The following KCNN2 variants were observed in gnomAD, a reference collection of about 807,000 sequenced individuals.
The protein encoded by KCNN2 is potassium calcium-activated channel subfamily N member 2, also known as small conductance calcium-activated potassium channel protein 2.
In KCNN2, 24 loss-of-function variants were observed where a neutral mutation model predicts 55.5. That is an observed-to-expected ratio of 0.43 (90% confidence interval 0.31 to 0.61). The LOEUF is 0.61. Ranked by LOEUF, KCNN2 falls within the 20% of genes least tolerant of loss-of-function variation. The pLI is 0.08. For synonymous variants in KCNN2, 431 were observed against 336.1 expected (o/e 1.28, Z -3.09); for missense variants, 754 against 853.6 (o/e 0.88, Z 1.45).
chr5:114,139,459 A>ACCC (rs141649479), intron 1 of KCNN2, among the ~76,000 whole-genome samples: 1 of 140,580 alleles, frequency 7.1e-6, no homozygotes, highest in Admixed American at 7.2e-5. Context: ...TCACACAACC[A>ACCC]CCCCCCCCAC....
At chr5:114,189,587 C>A (rs989853358) in intron 1 of KCNN2, among the ~76,000 whole-genome samples, 1 of 152,138 alleles carries the variant, frequency 6.6e-6, no homozygotes, top group Non-Finnish European at 1.5e-5. Flanking sequence ...ATAAAAGTAA[C>A]CATCAGAAAA....
chr5:114,148,357 C>T (rs563676951), intron 1 of KCNN2, among the ~76,000 whole-genome samples: 7 of 152,158 alleles, frequency 4.6e-5, no homozygotes, highest in African/African-American at 1.7e-4. Context: ...GCAACAAACA[C>T]AGACGAGTTC....
intron 1 of KCNN2, among the ~76,000 whole-genome samples, chr5:114,103,723 A>G (rs1751420844): frequency 6.6e-6 from 1 of 150,386 alleles, no homozygotes; most frequent in African/African-American, 2.4e-5. Flanking sequence ...GTGATGGATT[A>G]CGTTTATTGA....
At chr5:114,235,870 A>T (rs1168881331) in intron 2 of KCNN2, among the ~76,000 whole-genome samples, 1 of 152,208 alleles carries the variant, frequency 6.6e-6, no homozygotes, top group African/African-American at 2.4e-5. Context: ...TGATGAGGAA[A>T]CTGAGTATGA....
intron 1 of KCNN2, among the ~76,000 whole-genome samples, chr5:114,102,468 T>C (rs531494298): frequency 3.3e-5 from 5 of 152,348 alleles, no homozygotes; most frequent in African/African-American, 1.2e-4. Flanking sequence ...ATTTTGGCTT[T>C]TGTTGCCATT....
chr5:114,337,854 A>T (rs1192496619), intron 2 of KCNN2, among the ~76,000 whole-genome samples: 1 of 152,220 alleles, frequency 6.6e-6, no homozygotes, highest in Non-Finnish European at 1.5e-5. Context: ...ACATATTAAA[A>T]GTTTTTAACG....
Position 114,348,719 on chromosome 5 carries a change from C to G in KCNN2, c.-184-12226C>G, listed in dbSNP as rs183948014. ...GACTGACAAGAAAAAATCTTGAATC[C>G]TCAATTATCTTAAAATGCATAGATG... On this transcript the variant is annotated intron_variant, in intron 2 of 10. Transcript: ENST00000512097. Among the ~76,000 whole-genome samples the G allele has an allele frequency of 2.5e-3, 385 of 152,250 alleles. 3 individuals carry two copies. Among genetic ancestry groups the G allele is most frequent in the South Asian group, 0.012 (56 of 4,818 alleles).
At position 114,396,271 on chromosome 5, in the gene KCNN2, C is replaced by A. The variant is rs752803268; in HGVS notation, c.1219-8167C>A. ...GTCAGTATTTTATTATTTGGTGAAT[C>A]AGGAGAAAGGGCTTTTGTTTTCTTA... On this transcript the variant is annotated intron_variant, in intron 2 of 7. Transcript: ENST00000673685. Among the ~76,000 whole-genome samples the A allele has an allele frequency of 4.0e-4, 61 of 152,154 alleles. 1 individual carries two copies. Among genetic ancestry groups the A allele is most frequent in the Non-Finnish European group, 7.9e-4 (54 of 68,014 alleles).
intron 3 of KCNN2, among the ~76,000 whole-genome samples, chr5:114,428,114 C>A (rs1369813918): frequency 1.3e-5 from 2 of 152,120 alleles, no homozygotes; most frequent in Non-Finnish European, 2.9e-5. Context: ...CTTCTCTCTT[C>A]CTCTGTTTAT....
chr5:114,414,996 C>G (rs531644363), intron 3 of KCNN2, among the ~76,000 whole-genome samples: 50 of 152,316 alleles, frequency 3.3e-4, no homozygotes, highest in African/African-American at 1.2e-3. Flanking sequence ...CTCTTGCAGT[C>G]TTCCAGGTGA....
At chr5:114,243,685 T>A (rs1048649894) in intron 2 of KCNN2, among the ~76,000 whole-genome samples, 1 of 152,196 alleles carries the variant, frequency 6.6e-6, no homozygotes. Context: ...CTGTGCCTAA[T>A]TTATAAGTTG....
intron 2 of KCNN2, among the ~76,000 whole-genome samples, chr5:114,329,736 G>A (rs1476439061): frequency 2.0e-5 from 3 of 152,050 alleles, no homozygotes; most frequent in East Asian, 1.9e-4. Flanking sequence ...TATCCTTTTA[G>A]TTCCGTCCCT....
intron 3 of KCNN2, among the ~76,000 whole-genome samples, chr5:114,451,563 C>T (rs1024403849): frequency 9.9e-5 from 15 of 152,122 alleles, no homozygotes; most frequent in African/African-American, 3.6e-4. Flanking sequence ...TGAAAATACT[C>T]ACTTTGGCAT....
At chr5:114,282,363 A>T (rs149504407) in intron 2 of KCNN2, among the ~76,000 whole-genome samples, 143 of 152,220 alleles carry the variant, frequency 9.4e-4, no homozygotes, top group African/African-American at 3.3e-3. Flanking sequence ...TATTTTGTAA[A>T]TATTGATTTT....
At chr5:114,494,480 A>G (rs1259089005) in intron 7 of KCNN2, among the ~76,000 whole-genome samples, 5 of 151,640 alleles carry the variant, frequency 3.3e-5, no homozygotes, top group Admixed American at 1.3e-4. Flanking sequence ...GCACACATAT[A>G]AAAAGTATGA....
At chr5:114,163,136 C>T (rs1752827084) in intron 1 of KCNN2, among the ~76,000 whole-genome samples, 3 of 152,164 alleles carry the variant, frequency 2.0e-5, no homozygotes, top group South Asian at 4.1e-4. Context: ...ATTTGGCCAT[C>T]TTGGCTCCAC....
chr5:114,205,935 T>C (rs1022655617), intron 1 of KCNN2, among the ~76,000 whole-genome samples: 1 of 152,144 alleles, frequency 6.6e-6, no homozygotes, highest in Non-Finnish European at 1.5e-5. Context: ...TTTTTGAAAA[T>C]AGGATAGTTA....
chr5:114,096,894 A>G (rs2112563364), intron 1 of KCNN2, among the ~76,000 whole-genome samples: 1 of 152,254 alleles, frequency 6.6e-6, no homozygotes, highest in African/African-American at 2.4e-5. Context: ...AACCTACCAT[A>G]TCCCACTTAA....
intron 4 of KCNN2, 117 bp downstream of exon 4, chr5:114,463,307 G>A: frequency 1.4e-6 from 1 of 739,426 alleles, no homozygotes; most frequent in South Asian, 2.3e-5. Context: ...CAGGAAATCA[G>A]TATAAATAAA....
Sources: gnomAD v4.1 joint callset for allele counts (sites outside exome capture counted in the v4.1 genomes callset) on GRCh38, gnomAD v4.1.1 for gene constraint, MANE v1.5 for transcripts, NCBI Gene and HGNC (gene_info 2026-07-23, HGNC 2026-07-21) for gene names.